The following PRR5 variants were observed in gnomAD, a reference collection of about 807,000 sequenced individuals.
The protein encoded by PRR5 is proline rich 5, also known as proline-rich protein 5.
Under a neutral mutation model 30.6 loss-of-function variants are expected in PRR5, and 25 were observed. That is an observed-to-expected ratio of 0.82 (90% confidence interval 0.60 to 1.14). The LOEUF (loss-of-function observed/expected upper bound fraction) is 1.14, where lower values mean the gene tolerates loss of function less well. PRR5 is among the 50% of genes most tolerant of loss of function. PRR5 has a pLI of 0.00. For missense variants in PRR5, 600 were observed against 547.1 expected (o/e 1.10, Z -0.96); for synonymous variants, 286 against 247.1 (o/e 1.16, Z -1.48).
At chr22:44,731,503 C>T in intron 4 of PRR5, 2 of 584,226 alleles carry the variant, frequency 3.4e-6, no homozygotes, top group Non-Finnish European at 6.1e-6. Flanking sequence ...TCTGGGAGGC[C>T]AATCCCTTTA....
intron 1 of PRR5, among the ~76,000 whole-genome samples, chr22:44,681,185 G>C (rs1337055068): frequency 1.3e-5 from 2 of 152,198 alleles, no homozygotes; most frequent in South Asian, 2.1e-4. Context: ...GCACATGCCT[G>C]CCACATAGTA....
intron 1 of PRR5, among the ~76,000 whole-genome samples, chr22:44,692,544 C>A (rs1032369603): frequency 1.3e-5 from 2 of 148,916 alleles, no homozygotes; most frequent in Admixed American, 1.3e-4. Context: ...CCCGGGGGCT[C>A]CTCCACCTGG....
chr22:44,708,570 A>G (rs1927607564), intron 1 of PRR5, among the ~76,000 whole-genome samples: 1 of 152,052 alleles, frequency 6.6e-6, no homozygotes, highest in African/African-American at 2.4e-5. Context: ...TACCACCTAC[A>G]CCCTGACCTG....
In PRR5 at chr22:44,731,713, G is replaced by C. The variant is rs1350455710; in HGVS notation, c.323-17G>C. On this transcript the variant is annotated splice_polypyrimidine_tract_variant and intron_variant, in intron 4 of 7. Coordinates refer to ENST00000336985, the MANE Select transcript of PRR5 (RefSeq NM_181333.4). ...CGCGCCAGTCAGGCCCAGTGGTGAT[G>C]GCCCCCATGCCCACAGGACAGAAGC... The C allele has an allele frequency of 1.2e-6, 2 of 1,613,140 alleles. No homozygotes were observed. The highest frequency in any genetic ancestry group is 1.7e-6 in the Non-Finnish European group (2 of 1,179,658).
Position 44,729,406 on chromosome 22 carries a change from C to T in PRR5, c.323-2324C>T, listed in dbSNP as rs868504616. 206 of 985,226 alleles carry T rather than the reference C, an allele frequency of 2.1e-4. No individual in the cohort carries two copies. The African/African-American group carries it at 2.6e-3, about 12-fold the overall frequency. The allele number at this position is 985,226 out of a possible 1,614,324, so 61.0% of individuals were successfully genotyped here. ...GAGAACCCCAGAGTGGGAGCCAGCA[C>T]GGAGCCAAGGCTACTGCGGGGCCGC... On this transcript the variant is annotated intron_variant, in intron 4 of 7. Transcript: ENST00000336985.
At chr22:44,728,086 G>A (rs1921194451) in intron 4 of PRR5, among the ~76,000 whole-genome samples, 1 of 152,204 alleles carries the variant, frequency 6.6e-6, no homozygotes, top group Non-Finnish European at 1.5e-5. Flanking sequence ...CTTGAAAGGA[G>A]CTCTGCGTGG....
chr22:44,695,630 C>T (rs1451977100), intron 1 of PRR5, among the ~76,000 whole-genome samples: 5 of 152,062 alleles, frequency 3.3e-5, no homozygotes, highest in Admixed American at 2.6e-4. Flanking sequence ...CAGAGTTTTG[C>T]TCCTGCCACC....
At chr22:44,731,230 G>T (rs1255731415) in intron 4 of PRR5, 4 of 216,164 alleles carry the variant, frequency 1.9e-5, no homozygotes, top group South Asian at 6.4e-5. Context: ...AGGTGTACCT[G>T]TGTGGGTCTT....
intron 4 of PRR5, chr22:44,729,554 G>A (rs896770570): frequency 8.1e-6 from 8 of 985,360 alleles, no homozygotes; most frequent in South Asian, 4.7e-5. Flanking sequence ...ACCTGCCCAC[G>A]TGGGGACGTG....
upstream of PRR5, among the ~76,000 whole-genome samples, chr22:44,676,412 A>AAAAG (rs1184345770): frequency 6.1e-4 from 91 of 148,502 alleles, no homozygotes; most frequent in African/African-American, 1.3e-3. Flanking sequence ...AAAAAAAAAA[A>AAAAG]AAAGAAAGAA....
chr22:44,731,090 C>A (rs1921871314), intron 4 of PRR5: 1 of 293,516 alleles, frequency 3.4e-6, no homozygotes, highest in South Asian at 3.3e-5. Context: ...AACTGCTTAG[C>A]CGGGTTGTTA....
intron 4 of PRR5, chr22:44,729,366 G>A (rs1921485697): frequency 1.0e-6 from 1 of 985,300 alleles, no homozygotes; most frequent in Non-Finnish European, 1.2e-6. Context: ...ACGGACACCA[G>A]CCTGCGCCCA....
In PRR5 at chr22:44,708,470, A is replaced by C. The variant is rs1448514402; in HGVS notation, c.134+5862A>C. ...CACTCCCTGGTCCTGGACAGGAACC[A>C]GCTGAGGCTGTGACCACTCCAGCCA... On this transcript the variant is annotated intron_variant, in intron 1 of 7. Transcript: ENST00000336985. Among the ~76,000 whole-genome samples, 5 of 152,252 alleles carry C rather than the reference A, an allele frequency of 3.3e-5. No individual in the cohort carries two copies. In the East Asian group the frequency reaches 9.7e-4, roughly 29 times the overall value.
intron 1 of PRR5, among the ~76,000 whole-genome samples, chr22:44,712,102 C>T (rs893697072): frequency 6.6e-6 from 1 of 152,152 alleles, no homozygotes; most frequent in Non-Finnish European, 1.5e-5. Context: ...AGCCACCAGC[C>T]TCTCCCCTGG....
chr22:44,712,431 C>T (rs754673174), intron 1 of PRR5, among the ~76,000 whole-genome samples: 3 of 152,156 alleles, frequency 2.0e-5, no homozygotes, highest in Non-Finnish European at 2.9e-5. Context: ...GTGACCCTGC[C>T]CTGCGCCAGC....
At chr22:44,732,827 GCACATACTACA>G (rs1454787607) in intron 6 of PRR5, among the ~76,000 whole-genome samples, 2 of 64,012 alleles carry the variant, frequency 3.1e-5, no homozygotes, top group Non-Finnish European at 4.2e-5. Context: ...ACGTGTGCAC[GCACATACTACA>G]CACGTGCACA....
chr22:44,698,555 C>T (rs943176888), upstream of PRR5, among the ~76,000 whole-genome samples: 9 of 152,164 alleles, frequency 5.9e-5, no homozygotes, highest in Admixed American at 1.3e-4. Flanking sequence ...ATTGCTGGGT[C>T]CCCCAGCCCC....
At chr22:44,703,211 T>G (rs59812944) in intron 1 of PRR5, among the ~76,000 whole-genome samples, 14,200 of 152,134 alleles carry the variant, frequency 0.093, 1,045 homozygotes, top group African/African-American at 0.21. Flanking sequence ...GAGGAGCAAG[T>G]CCGGGATCTG....
chr22:44,725,467 A>G (rs1920928141), intron 3 of PRR5, among the ~76,000 whole-genome samples, 175 bp downstream of exon 3: 1 of 152,158 alleles, frequency 6.6e-6, no homozygotes, highest in South Asian at 2.1e-4. Context: ...AGGTTAAATG[A>G]TAAGATGAGG....
Sources: gnomAD v4.1 joint callset for allele counts (sites outside exome capture counted in the v4.1 genomes callset) on GRCh38, gnomAD v4.1.1 for gene constraint, MANE v1.5 for transcripts, NCBI Gene and HGNC (gene_info 2026-07-23, HGNC 2026-07-21) for gene names.